WDR83: variants seen among roughly 807,000 people sequenced by gnomAD.
The protein encoded by WDR83 is WD repeat domain-containing protein 83.
A neutral mutation model predicts 37.7 loss-of-function variants in WDR83; 37 were observed. The observed-to-expected ratio is 0.98, with a 90% CI of 0.76 to 1.29. WDR83 has a LOEUF of 1.29. Ranked by LOEUF, WDR83 falls within the 50% of genes most tolerant of loss-of-function variation. The pLI, the probability that WDR83 is intolerant of heterozygous loss-of-function variation, is 0.00. For synonymous variants in WDR83, 174 were observed against 181.1 expected (o/e 0.96, Z 0.31); for missense variants, 445 against 414.4 (o/e 1.07, Z -0.64).
At chr19:12,669,383 C>A in intron 2 of WDR83, 1 of 1,601,158 alleles carries the variant, frequency 6.2e-7, no homozygotes, top group Non-Finnish European at 8.5e-7. Flanking sequence ...TCCGTGGGTC[C>A]GACATATTGT....
chr19:12,670,648 T>G (rs763250938), intron 6 of WDR83, 37 bp downstream of exon 6: 1 of 1,614,222 alleles, frequency 6.2e-7, no homozygotes. Flanking sequence ...CCCAGGGTGC[T>G]GCCCTCCCCC....
intron 10 of WDR83, among the ~76,000 whole-genome samples, chr19:12,674,910 T>G (rs534045632): frequency 1.4e-5 from 2 of 147,396 alleles, no homozygotes; most frequent in African/African-American, 2.5e-5. Flanking sequence ...GGTCAGGAGA[T>G]AGAGATCATC....
At chr19:12,669,641 A>G (rs1311955014) in intron 2 of WDR83, 114 bp from the exon 3 acceptor site, 2 of 983,334 alleles carry the variant, frequency 2.0e-6, no homozygotes, top group South Asian at 1.7e-5. Flanking sequence ...CAACCCGATC[A>G]CCGAAATGCC....
Position 12,670,723 on chromosome 19 carries a change from G to A in WDR83, c.408G>A (p.Trp136Ter), listed in dbSNP as rs963199844. 1 of 1,614,168 alleles carries A rather than the reference G, an allele frequency of 6.2e-7. No individual in the cohort carries two copies. The highest frequency in any genetic ancestry group is 1.1e-5 in the South Asian group (1 of 91,078). The change falls in exon 7 of 11, where the codon TGG becomes TGA. Residue 136 changes from tryptophan to a stop codon, truncating the protein, a stop_gained. Coordinates refer to ENST00000418543, the MANE Select transcript of WDR83 (RefSeq NM_001099737.3). LOFTEE classifies it high-confidence loss of function. ...CTATTGATTCCAGTATCCGCTGTTG[G>A]GATTGCCGCTCACGGAGGCCTGAGC... ...SGSIDSSIRC[W>*]DCRSRRPEPV...
At position 12,666,974 on chromosome 19, in the gene WDR83, G is replaced by A; in HGVS notation, c.-175G>A. 1 of 550,352 alleles carries A rather than the reference G, an allele frequency of 1.8e-6. No individual in the cohort carries two copies. Among genetic ancestry groups the A allele is most frequent in the East Asian group, 3.1e-5 (1 of 31,838 alleles). 34.1% of individuals were successfully genotyped at this position (550,352 alleles called of 1,614,324 possible). A position where few individuals can be genotyped will look rare whatever the true frequency, so the allele number is the denominator to read the frequency against. ...CCTCTTAATGCCGGAATTCCAAGAC[G>A]GAATGCCTCTTAATGCCGGTAGGAG... is the stretch of plus-strand genomic sequence containing the variant. On this transcript the variant is annotated 5_prime_UTR_variant, in exon 1 of 11. Coordinates refer to ENST00000418543, the MANE Select transcript of WDR83 (RefSeq NM_001099737.3).
intron 7 of WDR83, 185 bp downstream of exon 7, chr19:12,671,006 C>G: frequency 1.2e-6 from 1 of 844,588 alleles, no homozygotes; most frequent in Non-Finnish European, 1.8e-6. Context: ...GCACTCCATG[C>G]TGGGTGAAAG....
rs1337485617 is a variant in WDR83, at chr19:12,669,505, T to C, written c.-36-250T>C. On this transcript the variant is annotated intron_variant, in intron 2 of 10. Transcript: ENST00000418543. Reference sequence around the variant, plus strand: ...TAGAGTAACACCCGAGGCCCTCGCATTTCCGTTCCTCATGACAGAGGCTTG... The same window carrying C: ...TAGAGTAACACCCGAGGCCCTCGCACTTCCGTTCCTCATGACAGAGGCTTG... 3 of 1,397,758 alleles carry C rather than the reference T, an allele frequency of 2.1e-6. No individual in the cohort carries two copies. In the East Asian group the frequency reaches 7.5e-5, roughly 35 times the overall value. The allele number at this position is 1,397,758 out of a possible 1,614,324, so 86.6% of individuals were successfully genotyped here.
intron 10 of WDR83, among the ~76,000 whole-genome samples, chr19:12,674,447 C>T (rs2024511152): frequency 1.3e-5 from 2 of 151,990 alleles, no homozygotes; most frequent in South Asian, 4.2e-4. Flanking sequence ...TGGAGGGAAC[C>T]GGGGGGGCCC....
intron 10 of WDR83, among the ~76,000 whole-genome samples, chr19:12,673,960 A>C (rs958296500): frequency 5.9e-5 from 9 of 152,160 alleles, no homozygotes; most frequent in African/African-American, 2.2e-4. Flanking sequence ...TCGGCCTCCC[A>C]AAGTGCTGGG....
In WDR83 at chr19:12,672,692, C is replaced by T. The variant is rs73002393; in HGVS notation, c.507-155C>T. 4.5e-3 allele frequency: 3,213 copies of T among 709,896 alleles called. 21 individuals carry two copies. The highest frequency in any genetic ancestry group is 6.9e-3 in the South Asian group (404 of 58,944). 44.0% of individuals were successfully genotyped at this position (709,896 alleles called of 1,614,324 possible). On this transcript the variant is annotated intron_variant, in intron 7 of 10. Coordinates refer to ENST00000418543, the MANE Select transcript of WDR83 (RefSeq NM_001099737.3). ...GGGTCTTGGAAATGATGGAGTAGGA[C>T]GTAATTGGCCCTGGGCCTGAGTCTC...
rs745820338 is a variant in WDR83 at position 12,670,080 on chromosome 19, G to C, written c.207G>C (p.Glu69Asp). ...LLRTYSGHGY[E>D]VLDAAGSFDN... is the part of the protein sequence containing the mutation. ...GGACGTACAGCGGCCACGGCTACGA[G>C]GTGCTGGATGCGGCCGGGTGAGCCG... Residue 69 changes from glutamate (E) to aspartate (D), a missense_variant, in exon 4 of 11, where the codon GAG becomes GAC. Physicochemically the swap from Glu to Asp is conservative, Grantham distance 45. Transcript: ENST00000418543. 6.2e-7 allele frequency: 1 copy of C among 1,611,266 alleles called. No homozygotes were observed. Among genetic ancestry groups the C allele is most frequent in the Non-Finnish European group, 8.5e-7 (1 of 1,178,006 alleles).
intron 10 of WDR83, among the ~76,000 whole-genome samples, chr19:12,675,283 T>C (rs1029753031): frequency 7.9e-5 from 12 of 151,944 alleles, no homozygotes; most frequent in Non-Finnish European, 1.6e-4. Flanking sequence ...AAATAAAAAA[T>C]CAATAAGAGG....
chr19:12,669,275 C>G, intron 2 of WDR83: 1 of 1,610,376 alleles, frequency 6.2e-7, no homozygotes, highest in South Asian at 1.1e-5. Context: ...GGTCCTGCCC[C>G]CGGGATAGAC....
intron 10 of WDR83, among the ~76,000 whole-genome samples, chr19:12,674,132 G>A (rs1449840902): frequency 6.6e-6 from 1 of 152,180 alleles, no homozygotes; most frequent in Non-Finnish European, 1.5e-5. Flanking sequence ...GCAAGATCCG[G>A]GGTCAGGCTG....
intron 7 of WDR83, among the ~76,000 whole-genome samples, chr19:12,671,608 C>T (rs920383715): frequency 2.0e-5 from 3 of 150,998 alleles, no homozygotes; most frequent in South Asian, 2.1e-4. Context: ...GCCGACATCG[C>T]ACCACTACAC....
rs2024372769 is a variant in WDR83, at chr19:12,670,256, G to A, written c.301G>A (p.Val101Ile). Residue 101 changes from valine to isoleucine, a missense_variant, in exon 5 of 11, where the codon GTC becomes ATC. Transcript: ENST00000418543. ...VVLWDVASGQ[V>I]VRKFRGHAGK... Reference sequence around the variant, plus strand: ...TCTGTGGGATGTGGCATCAGGGCAGGTCGTGCGCAAATTCCGGGGCCACGC... The same window carrying A: ...TCTGTGGGATGTGGCATCAGGGCAGATCGTGCGCAAATTCCGGGGCCACGC... 2.5e-6 allele frequency: 4 copies of A among 1,614,040 alleles called. No individual in the cohort carries two copies. The highest frequency in any genetic ancestry group is 3.4e-6 in the Non-Finnish European group (4 of 1,180,024).
Position 12,670,160 on chromosome 19 carries a change from C to T in WDR83, c.225-20C>T, listed in dbSNP as rs1194512265. Reference sequence around the variant, plus strand: ...CTGGGATCCGAGGTCGATGCTGATCCTCCTCCTCCTTTACTCCAGCTCCTT... The same window carrying T: ...CTGGGATCCGAGGTCGATGCTGATCTTCCTCCTCCTTTACTCCAGCTCCTT... On this transcript the variant is annotated intron_variant, in intron 4 of 10. Coordinates refer to ENST00000418543, the MANE Select transcript of WDR83 (RefSeq NM_001099737.3). 6.2e-7 allele frequency: 1 copy of T among 1,610,808 alleles called. No individual in the cohort carries two copies.
intron 1 of WDR83, chr19:12,667,961 G>C (rs2024301901): frequency 5.1e-6 from 1 of 195,420 alleles, no homozygotes; most frequent in Admixed American, 5.3e-5. Context: ...TATGAAGTAA[G>C]CAAATGAACA....
chr19:12,674,073 G>A (rs2024499326), intron 10 of WDR83, among the ~76,000 whole-genome samples: 1 of 152,222 alleles, frequency 6.6e-6, no homozygotes, highest in African/African-American at 2.4e-5. Flanking sequence ...GGTGTAGCCT[G>A]CGCATGCATC....
Sources: gnomAD v4.1 joint callset for allele counts (sites outside exome capture counted in the v4.1 genomes callset) on GRCh38, gnomAD v4.1.1 for gene constraint, MANE v1.5 for transcripts, NCBI Gene and HGNC (gene_info 2026-07-23, HGNC 2026-07-21) for gene names.